KCNK2: variants seen among roughly 807,000 people sequenced by gnomAD.
KCNK2 encodes the protein potassium channel subfamily K member 2.
A neutral mutation model predicts 40.5 loss-of-function variants in KCNK2; 21 were observed. That is an observed-to-expected ratio of 0.52 (90% CI 0.37 to 0.75). KCNK2 has a LOEUF of 0.75. Ranked by LOEUF, KCNK2 falls within the 30% of genes least tolerant of loss-of-function variation. KCNK2 has a pLI of 0.00. For synonymous variants in KCNK2, 191 were observed against 202.2 expected, an observed-to-expected ratio of 0.94 and a Z score of 0.47; for missense variants, 399 against 531.6, an observed-to-expected ratio of 0.75 and a Z score of 2.45.
In KCNK2 at chr1:215,134,749, A is replaced by G. The variant is rs61818329; in HGVS notation, c.475+9999A>G. Among the ~76,000 whole-genome samples the G allele has an allele frequency of 9.6e-3, 1,467 of 152,236 alleles. 23 individuals carry two copies. The highest frequency in any genetic ancestry group is 0.061 in the South Asian group (293 of 4,830). On this transcript the variant is annotated intron_variant, in intron 3 of 6. Transcript: ENST00000444842. Reference sequence around the variant, plus strand: ...AGAACAAAAGATGCTCCTATCACCCAGGAAATTCTAAGGGATTGGAGCTCT... The same window carrying G: ...AGAACAAAAGATGCTCCTATCACCCGGGAAATTCTAAGGGATTGGAGCTCT...
At chr1:215,031,255 G>T (rs1663594922) in intron 1 of KCNK2, among the ~76,000 whole-genome samples, 1 of 152,154 alleles carries the variant, frequency 6.6e-6, no homozygotes, top group Non-Finnish European at 1.5e-5. Flanking sequence ...GCATCAGTTT[G>T]TCGATAGCCA....
chr1:215,021,537 CTTTTTTTTTTTTTTTT>C (rs538476962), intron 1 of KCNK2, among the ~76,000 whole-genome samples: 1 of 96,324 alleles, frequency 1.0e-5, no homozygotes, highest in Non-Finnish European at 1.9e-5. Context: ...GGACAACCAT[CTTTTTTTTTTTTTTTT>C]TTTTTTTTTT....
At chr1:215,086,767 G>A in intron 2 of KCNK2, 89 bp downstream of exon 2, 19 of 1,197,854 alleles carry the variant, frequency 1.6e-5, no homozygotes, top group Non-Finnish European at 1.9e-5. Flanking sequence ...GTGTATTACA[G>A]GTGTGCTGGT....
chr1:215,202,870 G>T (rs2102674840), intron 6 of KCNK2, among the ~76,000 whole-genome samples: 1 of 152,202 alleles, frequency 6.6e-6, no homozygotes, highest in East Asian at 1.9e-4. Flanking sequence ...TGACTCCATG[G>T]CCCAGCCTTT....
intron 1 of KCNK2, among the ~76,000 whole-genome samples, chr1:215,069,197 A>G (rs1357378128): frequency 6.6e-6 from 1 of 152,054 alleles, no homozygotes; most frequent in East Asian, 1.9e-4. Flanking sequence ...GAACACCCCT[A>G]CTGTCTCCCT....
chr1:215,219,442 A>G (rs1666083907), intron 6 of KCNK2, among the ~76,000 whole-genome samples: 2 of 152,224 alleles, frequency 1.3e-5, no homozygotes, highest in Non-Finnish European at 1.5e-5. Flanking sequence ...ACATTTAATT[A>G]TAACTATTAT....
intron 1 of KCNK2, among the ~76,000 whole-genome samples, chr1:215,010,756 T>G (rs748403629): frequency 7.2e-5 from 11 of 151,996 alleles, no homozygotes; most frequent in Non-Finnish European, 1.5e-4. Flanking sequence ...AGTTCTCACT[T>G]CTTTTCCTTC....
intron 2 of KCNK2, among the ~76,000 whole-genome samples, chr1:215,090,361 T>C (rs1173254519): frequency 6.6e-6 from 1 of 152,184 alleles, no homozygotes; most frequent in African/African-American, 2.4e-5. Flanking sequence ...AATGTTTGGA[T>C]AAACTCTAGC....
chr1:215,034,961 A>T (rs778733071), intron 1 of KCNK2, among the ~76,000 whole-genome samples: 3 of 151,976 alleles, frequency 2.0e-5, no homozygotes, highest in Non-Finnish European at 4.4e-5. Flanking sequence ...CTTATTTGTA[A>T]CATTTTTTTC....
At chr1:215,223,875 C>T (rs1159276409) in intron 6 of KCNK2, among the ~76,000 whole-genome samples, 1 of 151,536 alleles carries the variant, frequency 6.6e-6, no homozygotes, top group South Asian at 2.1e-4. Context: ...GCAAAGTATG[C>T]TGGGTAAAAA....
rs1429057925 is a variant in KCNK2, at chr1:215,234,864, G to A, written c.1000G>A (p.Ala334Thr). ...CAGAGCACACGCTGCTGAGTGGACA[G>A]CCAACGTCACAGCCGAATTCAAAGA... ...EFRAHAAEWT[A>T]NVTAEFKETR... Residue 334 changes from alanine (A) to threonine (T), a missense_variant, in exon 7 of 7, where the codon GCC (alanine) becomes ACC (threonine). Transcript: ENST00000444842. The A allele has an allele frequency of 6.2e-7, 1 of 1,613,984 alleles. No homozygotes were observed. Among genetic ancestry groups the A allele is most frequent in the Non-Finnish European group, 8.5e-7 (1 of 1,179,966 alleles).
intron 1 of KCNK2, among the ~76,000 whole-genome samples, chr1:215,070,139 G>C (rs527899243): frequency 6.6e-6 from 1 of 152,042 alleles, no homozygotes; most frequent in Non-Finnish European, 1.5e-5. Context: ...GGTTGGGCAC[G>C]GTGGCTCATG....
chr1:215,112,906 C>A (rs1260613812), intron 2 of KCNK2, among the ~76,000 whole-genome samples: 1 of 152,114 alleles, frequency 6.6e-6, no homozygotes, highest in Non-Finnish European at 1.5e-5. Flanking sequence ...CCTAACCACA[C>A]CTTTCTCAGT....
chr1:215,226,428 C>T (rs1369960436), intron 6 of KCNK2, among the ~76,000 whole-genome samples: 4 of 152,122 alleles, frequency 2.6e-5, no homozygotes, highest in Non-Finnish European at 4.4e-5. Context: ...CGGGTTCAAG[C>T]GATTCTCTTG....
At chr1:215,182,244 T>C (rs1466685716) in intron 5 of KCNK2, among the ~76,000 whole-genome samples, 3 of 151,966 alleles carry the variant, frequency 2.0e-5, no homozygotes, top group African/African-American at 4.8e-5. Context: ...CCATGATCTA[T>C]GCGCAGGAAG....
chr1:215,194,327 G>T (rs142226524), intron 5 of KCNK2, among the ~76,000 whole-genome samples: 18 of 152,038 alleles, frequency 1.2e-4, no homozygotes, highest in Non-Finnish European at 7.4e-5. Flanking sequence ...TTTATTTTAT[G>T]ACAGTCATGG....
intron 6 of KCNK2, among the ~76,000 whole-genome samples, chr1:215,221,722 C>T (rs1180847303): frequency 6.6e-6 from 1 of 152,262 alleles, no homozygotes; most frequent in South Asian, 2.1e-4. Context: ...TAGACCCACA[C>T]AGTTCAAATG....
intron 3 of KCNK2, among the ~76,000 whole-genome samples, chr1:215,131,021 C>T (rs938643643): frequency 4.6e-5 from 7 of 151,142 alleles, no homozygotes; most frequent in East Asian, 3.9e-4. Flanking sequence ...CCACTGCGCC[C>T]GGCTAATTTT....
At chr1:215,011,640 C>T (rs1251467025) in intron 1 of KCNK2, among the ~76,000 whole-genome samples, 2 of 141,280 alleles carry the variant, frequency 1.4e-5, no homozygotes, top group African/African-American at 2.7e-5. Context: ...GAGTCTCACT[C>T]TGTCGCCCAA....
Sources: allele counts gnomAD v4.1 joint callset (sites outside exome capture counted in the v4.1 genomes callset), GRCh38; gene constraint gnomAD v4.1.1; transcripts MANE v1.5; gene names NCBI Gene and HGNC (gene_info 2026-07-23, HGNC 2026-07-21).